CSMD1: variants seen among roughly 807,000 people sequenced by gnomAD.
CSMD1 encodes CUB and sushi domain-containing protein 1.
In CSMD1, 213 loss-of-function variants were observed where a neutral mutation model predicts 417.5. The observed-to-expected ratio is 0.51, with a 90% CI of 0.46 to 0.57. The LOEUF (loss-of-function observed/expected upper bound fraction) is 0.57, where lower values mean the gene tolerates loss of function less well. CSMD1 is among the 20% of genes least tolerant of loss of function. The probability of loss-of-function intolerance (pLI) is 0.00; values close to 1 mark genes in which losing one functional copy is unlikely to be tolerated. For synonymous variants in CSMD1, 2,862 were observed against 1,736.8 expected (o/e 1.65, Z -16.11); for missense variants, 6,923 against 4,529.7 (o/e 1.53, Z -15.17).
At chr8:3,452,923 T>A (rs909269254) in intron 12 of CSMD1, among the ~76,000 whole-genome samples, 2 of 152,240 alleles carry the variant, frequency 1.3e-5, no homozygotes, top group African/African-American at 4.8e-5. Context: ...TCTGGTAGAA[T>A]TCGGCTGTGA....
At chr8:4,594,217 T>TC (rs1406218648) in intron 2 of CSMD1, among the ~76,000 whole-genome samples, 1 of 146,558 alleles carries the variant, frequency 6.8e-6, no homozygotes, top group Non-Finnish European at 1.5e-5. Context: ...TTTTTTTTTT[T>TC]CTCTGAGACG....
At chr8:4,292,081 G>A (rs1013267322) in intron 3 of CSMD1, among the ~76,000 whole-genome samples, 30 of 152,072 alleles carry the variant, frequency 2.0e-4, no homozygotes, top group Admixed American at 3.9e-4. Context: ...AAAACACCAA[G>A]GAGATATACC....
chr8:3,717,057 G>A (rs1383482291), intron 6 of CSMD1, among the ~76,000 whole-genome samples: 1 of 152,148 alleles, frequency 6.6e-6, no homozygotes, highest in Non-Finnish European at 1.5e-5. Flanking sequence ...GTTTGCTGTG[G>A]TGAAGTCTGA....
intron 1 of CSMD1, among the ~76,000 whole-genome samples, chr8:4,802,958 A>G (rs1461660310): frequency 1.3e-5 from 2 of 152,224 alleles, no homozygotes; most frequent in Non-Finnish European, 2.9e-5. Context: ...GGCTTCTACA[A>G]GAAATTATAT....
chr8:4,485,468 G>T (rs1328303228), intron 2 of CSMD1, among the ~76,000 whole-genome samples: 5 of 152,134 alleles, frequency 3.3e-5, no homozygotes, highest in Admixed American at 1.3e-4. Context: ...TCAAATATGT[G>T]TCTGGGCTGG....
At chr8:4,274,426 G>C (rs1015644577) in intron 3 of CSMD1, among the ~76,000 whole-genome samples, 1 of 152,054 alleles carries the variant, frequency 6.6e-6, no homozygotes, top group Non-Finnish European at 1.5e-5. Flanking sequence ...TGGTGCCCAA[G>C]AGTTGCAAAC....
chr8:3,165,590 C>T (rs1820155778), intron 37 of CSMD1, among the ~76,000 whole-genome samples: 2 of 152,074 alleles, frequency 1.3e-5, no homozygotes, highest in Non-Finnish European at 2.9e-5. Context: ...CGCCACCACG[C>T]CCGGCTAATT....
chr8:4,920,646 A>C (rs192137746), intron 1 of CSMD1, among the ~76,000 whole-genome samples: 4 of 151,922 alleles, frequency 2.6e-5, no homozygotes, highest in Non-Finnish European at 5.9e-5. Context: ...ACATGGTGAA[A>C]CCCTGTATTT....
chr8:4,307,154 C>G (rs922140710), intron 3 of CSMD1, among the ~76,000 whole-genome samples: 6 of 152,194 alleles, frequency 3.9e-5, no homozygotes, highest in African/African-American at 1.4e-4. Context: ...ATTTCTACTT[C>G]TCATCTTCAG....
chr8:4,693,423 G>A (rs1200560970), intron 1 of CSMD1, among the ~76,000 whole-genome samples: 2 of 152,334 alleles, frequency 1.3e-5, no homozygotes, highest in African/African-American at 4.8e-5. Context: ...GGCTGTGTCA[G>A]CCTCAATATT....
chr8:4,963,118 T>G (rs374686079), intron 1 of CSMD1, among the ~76,000 whole-genome samples: 1 of 152,214 alleles, frequency 6.6e-6, no homozygotes, highest in East Asian at 1.9e-4. Flanking sequence ...TTATTTCCCA[T>G]GGGTGGCCCT....
chr8:3,766,963 G>A (rs1441838610), intron 5 of CSMD1, among the ~76,000 whole-genome samples: 1 of 152,154 alleles, frequency 6.6e-6, no homozygotes, highest in Non-Finnish European at 1.5e-5. Flanking sequence ...CACGGCTAAT[G>A]CAATCATATG....
At chr8:4,291,785 T>C (rs181867267) in intron 3 of CSMD1, among the ~76,000 whole-genome samples, 1 of 152,346 alleles carries the variant, frequency 6.6e-6, no homozygotes, top group Admixed American at 6.5e-5. Context: ...TAAGAGCTAA[T>C]ATAAGACAAG....
intron 5 of CSMD1, among the ~76,000 whole-genome samples, chr8:3,849,229 A>G (rs1239820874): frequency 6.6e-6 from 1 of 152,160 alleles, no homozygotes; most frequent in Non-Finnish European, 1.5e-5. Flanking sequence ...ATGATGGAAA[A>G]GAGGAATAAA....
chr8:4,141,327 G>A (rs1027640351), intron 3 of CSMD1, among the ~76,000 whole-genome samples: 1 of 151,174 alleles, frequency 6.6e-6, no homozygotes, highest in Non-Finnish European at 1.5e-5. Flanking sequence ...GGGAAATGAA[G>A]CTACTACTGT....
At position 3,744,183 on chromosome 8, in the gene CSMD1, G is replaced by C. The variant is rs527583257; in HGVS notation, c.931+9747C>G. Among the ~76,000 whole-genome samples the C allele has an allele frequency of 1.2e-3, 187 of 152,306 alleles. 1 individual carries two copies. Among genetic ancestry groups the C allele is most frequent in the African/African-American group, 4.2e-3 (176 of 41,558 alleles). On this transcript the variant is annotated intron_variant, in intron 6 of 69. Coordinates refer to ENST00000635120, the MANE Select transcript of CSMD1 (RefSeq NM_033225.6). ...TTGACAAGGGCATGGAAGGTCTGGC[G>C]GGAGTGGGAGTTGAGGACAGGGATG... is the stretch of plus-strand genomic sequence containing the variant.
In CSMD1 at chr8:3,881,620, A is replaced by T. The variant is rs956091335; in HGVS notation, c.818+116283T>A. Among the ~76,000 whole-genome samples, 9 of 138,860 alleles carry T rather than the reference A, an allele frequency of 6.5e-5. 1 individual carries two copies. The highest frequency in any genetic ancestry group is 5.5e-4 in the Admixed American group (8 of 14,442). 91.1% of individuals were successfully genotyped at this position (138,860 alleles called of 152,430 possible). A position where few individuals can be genotyped will look rare whatever the true frequency, so the allele number is the denominator to read the frequency against. On this transcript the variant is annotated intron_variant, in intron 5 of 69. Coordinates refer to ENST00000635120, the MANE Select transcript of CSMD1 (RefSeq NM_033225.6). ...CAAGACTCCATCTCAAAAAAAAAAA[A>T]AACAAAAACAAAAACAAACAAACAA...
intron 3 of CSMD1, among the ~76,000 whole-genome samples, chr8:4,386,311 G>A (rs1221635166): frequency 7.2e-5 from 11 of 151,926 alleles, no homozygotes; most frequent in Admixed American, 6.6e-4. Flanking sequence ...CACACTATCA[G>A]ACATTCTCCT....
At chr8:4,344,355 A>T (rs1017729070) in intron 3 of CSMD1, among the ~76,000 whole-genome samples, 7 of 152,014 alleles carry the variant, frequency 4.6e-5, no homozygotes, top group African/African-American at 1.4e-4. Flanking sequence ...GGTTTGGTAC[A>T]TTATTTTTCA....
Sources: gnomAD v4.1 joint callset for allele counts (sites outside exome capture counted in the v4.1 genomes callset) on GRCh38, gnomAD v4.1.1 for gene constraint, MANE v1.5 for transcripts, NCBI Gene and HGNC (gene_info 2026-07-23, HGNC 2026-07-21) for gene names.